MFHAS1: variants seen among roughly 807,000 people sequenced by gnomAD.
The protein encoded by MFHAS1 is malignant fibrous histiocytoma-amplified sequence 1.
Under a neutral mutation model 70.4 loss-of-function variants are expected in MFHAS1, and 50 were observed. That is an observed-to-expected ratio of 0.71 (90% confidence interval 0.57 to 0.90). MFHAS1 has a LOEUF of 0.90. MFHAS1 is among the 40% of genes least tolerant of loss of function. The pLI is 0.00. For missense variants in MFHAS1, 1,795 were observed against 1,347.6 expected (o/e 1.33, Z -5.20); for synonymous variants, 952 against 620.0 (o/e 1.54, Z -7.96).
At position 8,891,078 on chromosome 8, in the gene MFHAS1, G is replaced by C. The variant is rs200594818; in HGVS notation, c.1981C>G (p.Arg661Gly). 4.3e-6 allele frequency: 7 copies of C among 1,613,762 alleles called. No homozygotes were observed. Among genetic ancestry groups the C allele is most frequent in the East Asian group, 2.2e-5 (1 of 44,874 alleles). ...AGTTCCTCCAGCACCTGCCAGGATC[G>C]AGGCAGTACTCTGTGTAAGTTGGGG... is the stretch of plus-strand genomic sequence containing the variant. ...IFPNLHRVLPRSWQVLEELHF... is the reference protein window; with the variant it reads ...IFPNLHRVLPGSWQVLEELHF... The change falls in exon 1 of 3, where the codon CGA (arginine) becomes GGA (glycine). Residue 661 changes from arginine (R) to glycine (G), a missense_variant. Arg to Gly is a moderately radical substitution (Grantham distance 125). Transcript: ENST00000276282. The surrounding 1 kb of genome is among the most constrained non-coding windows in gnomAD (Gnocchi z 5.4).
At chr8:8,833,177 C>A (rs1242551482) in intron 1 of MFHAS1, among the ~76,000 whole-genome samples, 8 of 152,148 alleles carry the variant, frequency 5.3e-5, no homozygotes, top group Non-Finnish European at 1.0e-4. Flanking sequence ...TGGTGCTACA[C>A]CATTAGAGAC....
chr8:8,846,509 C>T (rs1030966349), intron 1 of MFHAS1, among the ~76,000 whole-genome samples: 3 of 152,204 alleles, frequency 2.0e-5, no homozygotes, highest in Non-Finnish European at 4.4e-5. Context: ...TCACCACACA[C>T]TCTCCAGGAC....
intron 1 of MFHAS1, among the ~76,000 whole-genome samples, chr8:8,815,119 T>C (rs954061441): frequency 4.6e-5 from 7 of 152,128 alleles, no homozygotes; most frequent in Admixed American, 1.3e-4. Context: ...ATGCGGTGTT[T>C]GGTTTTCTGT....
chr8:8,831,938 G>C (rs986911004), intron 1 of MFHAS1, among the ~76,000 whole-genome samples: 1 of 152,024 alleles, frequency 6.6e-6, no homozygotes, highest in Non-Finnish European at 1.5e-5. Flanking sequence ...CAAGAGCCCA[G>C]GCAATTTAAA....
At chr8:8,811,907 T>C (rs1381812503) in intron 1 of MFHAS1, among the ~76,000 whole-genome samples, 2 of 152,062 alleles carry the variant, frequency 1.3e-5, no homozygotes, top group Non-Finnish European at 2.9e-5. Flanking sequence ...TTCCACAGGG[T>C]ACACAAGTCA....
intron 1 of MFHAS1, among the ~76,000 whole-genome samples, chr8:8,805,427 A>C (rs543934427): frequency 6.6e-6 from 1 of 152,362 alleles, no homozygotes; most frequent in African/African-American, 2.4e-5. Flanking sequence ...AGAAAAAAGA[A>C]AATGCTATTG....
At chr8:8,846,278 G>C (rs1808031545) in intron 1 of MFHAS1, among the ~76,000 whole-genome samples, 2 of 120,246 alleles carry the variant, frequency 1.7e-5, no homozygotes, top group Non-Finnish European at 3.5e-5. Flanking sequence ...GGGGGAAGGA[G>C]GAGGAGGGGG....
At chr8:8,841,291 A>G (rs1807812718) in intron 1 of MFHAS1, among the ~76,000 whole-genome samples, 1 of 151,168 alleles carries the variant, frequency 6.6e-6, no homozygotes, top group African/African-American at 2.4e-5. Context: ...CCTGGCCAAC[A>G]TAGTGAAACC....
intron 1 of MFHAS1, among the ~76,000 whole-genome samples, chr8:8,805,926 G>C (rs1451671095): frequency 6.6e-6 from 1 of 151,832 alleles, no homozygotes; most frequent in African/African-American, 2.4e-5. Flanking sequence ...TCTAACTCCT[G>C]TGACCTCAGG....
intron 1 of MFHAS1, among the ~76,000 whole-genome samples, chr8:8,841,761 C>G (rs1364103425): frequency 6.6e-6 from 1 of 152,206 alleles, no homozygotes; most frequent in African/African-American, 2.4e-5. Flanking sequence ...ACATGGGCCA[C>G]ACCCCACGGG....
At chr8:8,846,638 C>A (rs1256801888) in intron 1 of MFHAS1, among the ~76,000 whole-genome samples, 1 of 151,982 alleles carries the variant, frequency 6.6e-6, no homozygotes, top group African/African-American at 2.4e-5. Flanking sequence ...TGCTTGCAGC[C>A]TTCCTGTTGT....
Position 8,844,571 on chromosome 8 carries a change from G to T in MFHAS1, c.2998+45490C>A, listed in dbSNP as rs559240297. ...GCTCTAATTCTGCAGAGGCAGGGCT[G>T]GCTTCTGTCCACCTTCTCGGGCATA... On this transcript the variant is annotated intron_variant, in intron 1 of 2. Coordinates refer to ENST00000276282, the MANE Select transcript of MFHAS1 (RefSeq NM_004225.3). 1.1e-4 allele frequency among the ~76,000 whole-genome samples: 17 copies of T among 152,308 alleles called. No homozygotes were observed. The South Asian group carries it at 2.1e-3, about 19-fold the overall frequency.
intron 2 of MFHAS1, among the ~76,000 whole-genome samples, chr8:8,792,403 C>G (rs1488837813): frequency 6.6e-6 from 1 of 152,166 alleles, no homozygotes; most frequent in African/African-American, 2.4e-5. Flanking sequence ...GAGTTCAAGA[C>G]CAGCCTGGTC....
chr8:8,850,570 G>A (rs948696334), intron 1 of MFHAS1, among the ~76,000 whole-genome samples: 5 of 152,024 alleles, frequency 3.3e-5, no homozygotes, highest in African/African-American at 9.7e-5. Context: ...GGTCGGGTGC[G>A]GTAGCTCACG....
chr8:8,832,060 G>A (rs148410915), intron 1 of MFHAS1, among the ~76,000 whole-genome samples: 130,161 of 148,580 alleles, frequency 0.88, 58,269 homozygotes, highest in South Asian at 0.97. Flanking sequence ...GCGCGCGCGC[G>A]CGCACACACA....
intron 1 of MFHAS1, among the ~76,000 whole-genome samples, chr8:8,806,484 G>C (rs951323911): frequency 6.6e-6 from 1 of 152,116 alleles, no homozygotes; most frequent in African/African-American, 2.4e-5. Context: ...CTTTATTTTT[G>C]GTTCTAAAAG....
At chr8:8,884,722 T>C (rs562074331) in intron 1 of MFHAS1, among the ~76,000 whole-genome samples, 62 of 152,248 alleles carry the variant, frequency 4.1e-4, no homozygotes, top group African/African-American at 1.4e-3. Flanking sequence ...CCCAGCACTT[T>C]GGAAGGCTGA....
intron 1 of MFHAS1, among the ~76,000 whole-genome samples, chr8:8,849,173 C>G (rs1416320738): frequency 7.1e-6 from 1 of 141,506 alleles, no homozygotes; most frequent in Non-Finnish European, 1.5e-5. Context: ...CTCTGCCTCC[C>G]GTGTTCAAGC....
intron 1 of MFHAS1, among the ~76,000 whole-genome samples, chr8:8,814,288 G>A (rs986555144): frequency 2.0e-5 from 3 of 152,124 alleles, no homozygotes; most frequent in Non-Finnish European, 2.9e-5. Flanking sequence ...TCTAAGGTTA[G>A]ATGCACAAAT....
Sources: allele counts gnomAD v4.1 joint callset (sites outside exome capture counted in the v4.1 genomes callset), GRCh38; gene constraint gnomAD v4.1.1; non-coding constraint Gnocchi (gnomAD v3.1); transcripts MANE v1.5; gene names NCBI Gene and HGNC (gene_info 2026-07-23, HGNC 2026-07-21).